The following B4GALT1 variants were observed in gnomAD, a reference collection of about 807,000 sequenced individuals.
B4GALT1 encodes the protein beta-1,4-galactosyltransferase 1.
B4GALT1 carries 16 observed loss-of-function variants against 34.9 expected under a neutral mutation model. The ratio of observed to expected loss-of-function variants is 0.46; its 90% confidence interval spans 0.31 to 0.70. The LOEUF is 0.70. Ranked by LOEUF, B4GALT1 falls within the 30% of genes least tolerant of loss-of-function variation. The pLI, the probability that B4GALT1 is intolerant of heterozygous loss-of-function variation, is 0.05. For synonymous variants in B4GALT1, 221 were observed against 218.1 expected, an observed-to-expected ratio of 1.01 and a Z score of -0.12; for missense variants, 445 against 530.5, an observed-to-expected ratio of 0.84 and a Z score of 1.58.
chr9:33,152,788 C>G (rs1392869498), intron 1 of B4GALT1, among the ~76,000 whole-genome samples: 1 of 152,098 alleles, frequency 6.6e-6, no homozygotes, highest in Non-Finnish European at 1.5e-5. Flanking sequence ...GTGTGAGAAT[C>G]ACTTGAACCT....
chr9:33,107,001 C>T (rs1839801406), downstream of B4GALT1, among the ~76,000 whole-genome samples: 1 of 152,150 alleles, frequency 6.6e-6, no homozygotes, highest in South Asian at 2.1e-4. Flanking sequence ...TGTGCCCTCT[C>T]TCTACTCTTG....
chr9:33,105,351 C>T (rs576840403), intron 2 of B4GALT1, among the ~76,000 whole-genome samples: 83 of 152,100 alleles, frequency 5.5e-4, no homozygotes, highest in African/African-American at 1.8e-3. Context: ...GTTGGTCAGG[C>T]TGGTCTCGAG....
At chr9:33,174,703 TCC>T in the B4GALT1 span, among the ~76,000 whole-genome samples, 1 of 149,966 alleles carries the variant, frequency 6.7e-6, no homozygotes, top group Admixed American at 6.7e-5. Flanking sequence ...TGCCTGTAAA[TCC>T]CAACACTTTG....
At chr9:33,125,428 G>A (rs1476446998) in intron 2 of B4GALT1, among the ~76,000 whole-genome samples, 1 of 152,168 alleles carries the variant, frequency 6.6e-6, no homozygotes, top group Non-Finnish European at 1.5e-5. Flanking sequence ...AGGCCACAGG[G>A]AGCCTTAAAC....
intron 3 of B4GALT1, among the ~76,000 whole-genome samples, chr9:33,118,327 C>A (rs1839969728): frequency 6.6e-6 from 1 of 152,000 alleles, no homozygotes; most frequent in African/African-American, 2.4e-5. Flanking sequence ...CAAGGGAGGA[C>A]AGGAAGAAAT....
At chr9:33,138,448 T>C (rs1587739519) in intron 1 of B4GALT1, among the ~76,000 whole-genome samples, 2 of 152,202 alleles carry the variant, frequency 1.3e-5, no homozygotes, top group East Asian at 1.9e-4. Flanking sequence ...GCAAGATCTT[T>C]AGACAAATCC....
At chr9:33,143,005 C>T (rs183536696) in intron 1 of B4GALT1, among the ~76,000 whole-genome samples, 3 of 152,218 alleles carry the variant, frequency 2.0e-5, no homozygotes, top group African/African-American at 7.2e-5. Context: ...ATTAGCTGGG[C>T]GTGGTGGCAC....
chr9:33,127,520 C>G (rs1840130262), intron 2 of B4GALT1, among the ~76,000 whole-genome samples: 1 of 152,220 alleles, frequency 6.6e-6, no homozygotes, highest in African/African-American at 2.4e-5. Flanking sequence ...AATCCCACAT[C>G]TGAAAATCTA....
intron 2 of B4GALT1, among the ~76,000 whole-genome samples, chr9:33,123,882 G>C (rs1255403383): frequency 1.3e-5 from 2 of 152,182 alleles, no homozygotes; most frequent in Non-Finnish European, 2.9e-5. Context: ...CTTTCAACGT[G>C]GTGAGATGCC....
Position 33,113,332 on chromosome 9 carries a change from T to C in B4GALT1, c.*122A>G. ...GTCATCTGGAAAGCCATCTGAATGA[T>C]GAGCGAAGGGGACCTGTCACTCAGA... is the stretch of plus-strand genomic sequence containing the variant. On this transcript the variant is annotated 3_prime_UTR_variant, in exon 6 of 6. Transcript: ENST00000379731. The C allele has an allele frequency of 1.4e-6, 2 of 1,450,168 alleles. No individual in the cohort carries two copies. Among genetic ancestry groups the C allele is most frequent in the Non-Finnish European group, 9.7e-7 (1 of 1,034,284 alleles). The allele number at this position is 1,450,168 out of a possible 1,614,324, so 89.8% of individuals were successfully genotyped here.
At chr9:33,131,375 A>G (rs1211834725) in intron 2 of B4GALT1, among the ~76,000 whole-genome samples, 1 of 152,228 alleles carries the variant, frequency 6.6e-6, no homozygotes, top group African/African-American at 2.4e-5. Context: ...CTGAATGGGA[A>G]GCCAAGGAAG....
chr9:33,138,272 C>A (rs1472723039), intron 1 of B4GALT1, among the ~76,000 whole-genome samples: 4 of 152,170 alleles, frequency 2.6e-5, no homozygotes, highest in African/African-American at 9.7e-5. Flanking sequence ...CAGTGACTTT[C>A]CAGATGATCT....
intron 2 of B4GALT1, among the ~76,000 whole-genome samples, chr9:33,126,668 G>A (rs767552679): frequency 1.0e-4 from 3 of 29,478 alleles, no homozygotes; most frequent in Non-Finnish European, 3.5e-4. Flanking sequence ...TAGCAATATG[G>A]TAGCTCAGAG....
rs757496621 is a variant in B4GALT1 at position 33,113,361 on chromosome 9, G to C, written c.*93C>G. On this transcript the variant is annotated 3_prime_UTR_variant, in exon 6 of 6. Transcript: ENST00000379731. ...CGAAGGGGACCTGTCACTCAGACTGGTAAAAATGAGAGGGACCAGCCCAGC... is the reference window on the plus strand; with the variant it reads ...CGAAGGGGACCTGTCACTCAGACTGCTAAAAATGAGAGGGACCAGCCCAGC... 1 of 1,583,050 alleles carries C rather than the reference G, an allele frequency of 6.3e-7. No individual in the cohort carries two copies. Among genetic ancestry groups the C allele is most frequent in the Non-Finnish European group, 8.7e-7 (1 of 1,153,366 alleles).
At chr9:33,149,421 C>T (rs979594933) in intron 1 of B4GALT1, among the ~76,000 whole-genome samples, 2 of 151,990 alleles carry the variant, frequency 1.3e-5, no homozygotes, top group South Asian at 2.1e-4. Flanking sequence ...GCTGGAACTA[C>T]AAATGCGCCA....
upstream of B4GALT1, among the ~76,000 whole-genome samples, chr9:33,168,894 G>A (rs1298781599): frequency 6.6e-6 from 1 of 152,066 alleles, no homozygotes; most frequent in African/African-American, 2.4e-5. Context: ...CACCACTCCC[G>A]TTCTTACCTC....
exon 3 of B4GALT1, chr9:33,104,609 G>A: frequency 2.7e-6 from 1 of 375,220 alleles, no homozygotes; most frequent in Non-Finnish European, 5.2e-6. Context: ...CAGCAACCAG[G>A]CTGAGTCCTT....
intron 3 of B4GALT1, among the ~76,000 whole-genome samples, chr9:33,118,472 G>A (rs1839972390): frequency 6.6e-6 from 1 of 151,780 alleles, no homozygotes; most frequent in African/African-American, 2.4e-5. Context: ...GACCAGCCTG[G>A]GTAACATAGT....
the B4GALT1 span, among the ~76,000 whole-genome samples, chr9:33,181,460 A>ACACACACACACACACACACACAC: frequency 6.6e-6 from 1 of 151,640 alleles, no homozygotes; most frequent in Non-Finnish European, 1.5e-5. Context: ...ACACACACAC[A>ACACACACACACACACACACACAC]AACTATTCTT....
Sources: gnomAD v4.1 joint callset for allele counts (sites outside exome capture counted in the v4.1 genomes callset) on GRCh38, gnomAD v4.1.1 for gene constraint, MANE v1.5 for transcripts, NCBI Gene and HGNC (gene_info 2026-07-23, HGNC 2026-07-21) for gene names.